The following IPP variants were observed in gnomAD, a reference collection of about 807,000 sequenced individuals.
IPP encodes actin-binding protein IPP.
In IPP, 41 loss-of-function variants were observed where a neutral mutation model predicts 64.1. The ratio of observed to expected loss-of-function variants is 0.64; its 90% CI spans 0.50 to 0.83. The LOEUF is 0.83. IPP is among the 40% of genes least tolerant of loss of function. The pLI, the probability that IPP is intolerant of heterozygous loss-of-function variation, is 0.00. For synonymous variants in IPP, 214 were observed against 235.2 expected (o/e 0.91, Z 0.83); for missense variants, 649 against 703.0 (o/e 0.92, Z 0.87).
rs533681958 is a variant in IPP at position 45,731,114 on chromosome 1, T to C, written c.725-1345A>G. The stretch of plus-strand genomic sequence containing the variant: ...AAGGATCTCAGCCCTAGTGGATCTC[T>C]AGTCTTCAACCACCCTCATGCCTCA... On this transcript the variant is annotated intron_variant, in intron 3 of 8. Coordinates refer to ENST00000396478, the MANE Select transcript of IPP (RefSeq NM_005897.3). 8.5e-5 allele frequency among the ~76,000 whole-genome samples: 13 copies of C among 152,380 alleles called. No individual in the cohort carries two copies. The South Asian group carries it at 2.1e-3, about 24-fold the overall frequency.
intron 3 of IPP, among the ~76,000 whole-genome samples, chr1:45,735,621 ATTTTTTT>A (rs1160000550): frequency 3.5e-5 from 2 of 57,466 alleles, no homozygotes; most frequent in African/African-American, 7.6e-5. Context: ...AGACCTGGCT[ATTTTTTT>A]TTTTTTTTTT....
chr1:45,735,646 T>G (rs1341387513), intron 3 of IPP, among the ~76,000 whole-genome samples: 112 of 120,316 alleles, frequency 9.3e-4, no homozygotes, highest in Non-Finnish European at 1.6e-3. Context: ...TTTTTTTTTT[T>G]GTGAGATAGA....
intron 7 of IPP, among the ~76,000 whole-genome samples, chr1:45,715,962 T>C (rs979066964): frequency 1.3e-5 from 2 of 152,222 alleles, no homozygotes; most frequent in African/African-American, 4.8e-5. Flanking sequence ...GAAAGAACTT[T>C]AGCAGGTTAG....
At chr1:45,718,282 T>C (rs988041137) in intron 6 of IPP, among the ~76,000 whole-genome samples, 1 of 152,230 alleles carries the variant, frequency 6.6e-6, no homozygotes, top group Non-Finnish European at 1.5e-5. Context: ...GCTAAAGTAC[T>C]TCACTGGATG....
chr1:45,733,494 A>T (rs747987120), intron 3 of IPP, among the ~76,000 whole-genome samples: 18 of 151,520 alleles, frequency 1.2e-4, no homozygotes, highest in Admixed American at 3.3e-4. Context: ...CCAAAATCCA[A>T]ACTATGCCTT....
chr1:45,728,213 A>G (rs997400998), intron 4 of IPP, among the ~76,000 whole-genome samples: 4 of 150,044 alleles, frequency 2.7e-5, no homozygotes, highest in Non-Finnish European at 5.9e-5. Flanking sequence ...GCTGGAGTGC[A>G]GTGATGTGAT....
chr1:45,717,100 A>G, intron 6 of IPP, 83 bp from the exon 7 acceptor site: 5 of 1,258,300 alleles, frequency 4.0e-6, no homozygotes, highest in Non-Finnish European at 5.7e-6. Flanking sequence ...TCTAAACCAA[A>G]TACTTCATAT....
chr1:45,730,139 G>A (rs1645887711), intron 3 of IPP, among the ~76,000 whole-genome samples: 1 of 152,184 alleles, frequency 6.6e-6, no homozygotes, highest in African/African-American at 2.4e-5. Context: ...CTTGAGCCCA[G>A]GAGTTAGAGA....
At chr1:45,694,862 A>G (rs1031085915), downstream of IPP, 8 of 179,306 alleles carry the variant, frequency 4.5e-5, no homozygotes, top group Non-Finnish European at 7.0e-5. Flanking sequence ...CCATCTTGAT[A>G]TTCTAATGAG....
chr1:45,736,663 A>T (rs1267574886), intron 3 of IPP, among the ~76,000 whole-genome samples: 2 of 152,074 alleles, frequency 1.3e-5, no homozygotes, highest in Non-Finnish European at 2.9e-5. Context: ...GATGATAACT[A>T]CTGGGCATGC....
chr1:45,731,240 A>C (rs1168910847), intron 3 of IPP, among the ~76,000 whole-genome samples: 2 of 152,002 alleles, frequency 1.3e-5, no homozygotes, highest in African/African-American at 4.8e-5. Context: ...CAGGAGTTCA[A>C]GACCAGCCTG....
At position 45,698,929 on chromosome 1, in the gene IPP, C is replaced by A. The variant is rs1426855337; in HGVS notation, c.*1037G>T. 8.2e-6 allele frequency: 4 copies of A among 489,194 alleles called. No individual in the cohort carries two copies. Among genetic ancestry groups the A allele is most frequent in the Non-Finnish European group, 1.1e-5 (4 of 377,042 alleles). The allele number at this position is 489,194 out of a possible 1,614,324, so 30.3% of individuals were successfully genotyped here. A position where few individuals can be genotyped will look rare whatever the true frequency, so the allele number is the denominator to read the frequency against. The stretch of plus-strand genomic sequence containing the variant: ...TAGAGACGGAGTCTCATCACGTTGC[C>A]CAGGCTAGTCTCGAACTCCTGAGTT... On this transcript the variant is annotated 3_prime_UTR_variant, in exon 9 of 9. Transcript: ENST00000396478.
In IPP at chr1:45,735,466, C is replaced by CTTTTTTT. The variant is rs756979985; in HGVS notation, c.724+5428_724+5434dup. Among the ~76,000 whole-genome samples the CTTTTTTT allele has an allele frequency of 1.8e-3, 106 of 57,954 alleles. 1 individual carries two copies. The highest frequency in any genetic ancestry group is 2.0e-3 in the Non-Finnish European group (64 of 32,258). The allele number at this position is 57,954 out of a possible 152,430, so 38.0% of individuals were successfully genotyped here. The stretch of plus-strand genomic sequence containing the variant: ...TTTATTTTTTATTGATTTAATTTTG[C>CTTTTTTT]TTTTTTTTTTTTTTTTTTTTTTTTG... On this transcript the variant is annotated intron_variant, in intron 3 of 8. Coordinates refer to ENST00000396478, the MANE Select transcript of IPP (RefSeq NM_005897.3).
downstream of IPP, among the ~76,000 whole-genome samples, chr1:45,696,511 T>C (rs1353248691): frequency 1.3e-5 from 2 of 152,240 alleles, no homozygotes; most frequent in Admixed American, 6.5e-5. Context: ...CCTGGTGAGG[T>C]GGCTCATGCC....
At chr1:45,695,423 AGT>A (rs780598578), downstream of IPP, among the ~76,000 whole-genome samples, 1 of 152,038 alleles carries the variant, frequency 6.6e-6, no homozygotes, top group Non-Finnish European at 1.5e-5. Flanking sequence ...AGGCTCCCAA[AGT>A]GTTAGGATTG....
intron 8 of IPP, among the ~76,000 whole-genome samples, chr1:45,701,291 T>TG (rs989918558): frequency 3.3e-5 from 5 of 151,920 alleles, no homozygotes; most frequent in East Asian, 1.9e-4. Context: ...TTACTTTTTT[T>TG]TTTGTTTTTT....
At chr1:45,739,743 A>G (rs1646034165) in intron 3 of IPP, among the ~76,000 whole-genome samples, 1 of 151,718 alleles carries the variant, frequency 6.6e-6, no homozygotes, top group African/African-American at 2.4e-5. Flanking sequence ...TACAGGATTC[A>G]TTGAATTTTT....
intron 8 of IPP, among the ~76,000 whole-genome samples, chr1:45,705,031 C>T (rs569148357): frequency 6.6e-6 from 1 of 152,250 alleles, no homozygotes; most frequent in South Asian, 2.1e-4. Context: ...TCTCAACACA[C>T]TGTCTATGGA....
In IPP at chr1:45,741,623, CTTTTTTTTTT is replaced by C. The variant is rs57797396; in HGVS notation, c.293-301_293-292del. On this transcript the variant is annotated intron_variant, in intron 2 of 8. Transcript: ENST00000396478. ...TAGATATTATTATTTTTCTTATTTT[CTTTTTTTTTT>C]TTTTTTTTTTTTTGAGACGGAGTCC... 2.1e-5 allele frequency among the ~76,000 whole-genome samples: 2 copies of C among 96,128 alleles called. 1 individual carries two copies. The allele number at this position is 96,128 out of a possible 152,430, so 63.1% of individuals were successfully genotyped here.
Sources: gnomAD v4.1 joint callset for allele counts (sites outside exome capture counted in the v4.1 genomes callset) on GRCh38, gnomAD v4.1.1 for gene constraint, MANE v1.5 for transcripts, NCBI Gene and HGNC (gene_info 2026-07-23, HGNC 2026-07-21) for gene names.